EXD2: variants seen among roughly 807,000 people sequenced by gnomAD.
EXD2 encodes exonuclease 3'-5' domain containing 2.
A neutral mutation model predicts 62.5 loss-of-function variants in EXD2; 40 were observed. The ratio of observed to expected loss-of-function variants is 0.64; its 90% confidence interval spans 0.50 to 0.83. The LOEUF is 0.83. Among genes scored for constraint, EXD2 ranks in the 40% least tolerant of loss-of-function variants. EXD2 has a pLI of 0.00. For synonymous variants in EXD2, 239 were observed against 291.9 expected (o/e 0.82, Z 1.85); for missense variants, 671 against 761.8 (o/e 0.88, Z 1.40).
chr14:69,198,708 T>A (rs1433066262), intron 1 of EXD2, among the ~76,000 whole-genome samples: 1 of 152,228 alleles, frequency 6.6e-6, no homozygotes, highest in African/African-American at 2.4e-5. Flanking sequence ...ATGGCATCAC[T>A]TAATGAGGAT....
intron 3 of EXD2, among the ~76,000 whole-genome samples, chr14:69,227,088 G>A (rs960977442): frequency 6.6e-5 from 10 of 152,162 alleles, no homozygotes; most frequent in Non-Finnish European, 1.5e-4. Flanking sequence ...TTGCCCTAGA[G>A]CAGAGTTTCT....
chr14:69,201,577 T>G (rs767834154), intron 1 of EXD2, among the ~76,000 whole-genome samples: 3 of 151,214 alleles, frequency 2.0e-5, no homozygotes, highest in Non-Finnish European at 3.0e-5. Flanking sequence ...CCACTTGCAG[T>G]GCCCTCCTCC....
At chr14:69,200,998 C>T (rs546309599) in intron 1 of EXD2, among the ~76,000 whole-genome samples, 2 of 151,186 alleles carry the variant, frequency 1.3e-5, no homozygotes, top group East Asian at 2.0e-4. Flanking sequence ...TGCTTGAACT[C>T]GGGAGGCAGA....
chr14:69,228,729 A>G (rs1313389726), intron 3 of EXD2, 87 bp from the exon 4 acceptor site: 40 of 1,501,716 alleles, frequency 2.7e-5, no homozygotes, highest in Non-Finnish European at 3.5e-5. Context: ...TTAAGGATGT[A>G]CCTCTTAGAC....
intron 5 of EXD2, among the ~76,000 whole-genome samples, chr14:69,232,266 A>G (rs1282817994): frequency 6.6e-6 from 1 of 152,086 alleles, no homozygotes; most frequent in African/African-American, 2.4e-5. Context: ...TCAGGGTGTA[A>G]GTGTTCTCTA....
intron 9 of EXD2, 100 bp from the exon 10 acceptor site, chr14:69,240,784 C>A: frequency 2.0e-6 from 2 of 990,608 alleles, no homozygotes; most frequent in Non-Finnish European, 3.0e-6. Flanking sequence ...AGGAGTCCTT[C>A]AACCTCCCCA....
intron 2 of EXD2, among the ~76,000 whole-genome samples, chr14:69,205,222 AT>A (rs888283625): frequency 3.9e-5 from 6 of 151,920 alleles, no homozygotes; most frequent in East Asian, 1.9e-4. Flanking sequence ...CTGTTTTAAA[AT>A]TTTTTTTAGT....
chr14:69,224,350 C>T (rs2140289796), intron 3 of EXD2: 1 of 152,376 alleles, frequency 6.6e-6, no homozygotes. Context: ...ACTCAGTATA[C>T]AGTAACAAGG....
In EXD2 at chr14:69,221,425, A is replaced by T. The variant is rs555662133; in HGVS notation, c.334-7391A>T. Among the ~76,000 whole-genome samples the T allele has an allele frequency of 2.0e-5, 3 of 152,282 alleles. No homozygotes were observed. The South Asian group carries it at 6.2e-4, about 32-fold the overall frequency. Reference sequence around the variant, plus strand: ...CTTAATGTCTCAGTTTTGATAAGTTATATATTTCATTTATCATCTAAATAT... The same window carrying T: ...CTTAATGTCTCAGTTTTGATAAGTTTTATATTTCATTTATCATCTAAATAT... On this transcript the variant is annotated intron_variant, in intron 3 of 9. Coordinates refer to ENST00000685843, the MANE Select transcript of EXD2 (RefSeq NM_001193360.2).
intron 1 of EXD2, among the ~76,000 whole-genome samples, chr14:69,199,881 G>A (rs905617851): frequency 2.0e-5 from 3 of 152,120 alleles, no homozygotes; most frequent in East Asian, 3.8e-4. Context: ...TAAAAAATAT[G>A]GTAAATAAAT....
chr14:69,205,992 C>T (rs112129525), intron 2 of EXD2, among the ~76,000 whole-genome samples: 1,540 of 152,142 alleles, frequency 0.01, 30 homozygotes, highest in African/African-American at 0.035. Flanking sequence ...GATCTTGGCT[C>T]ACTGCAATCT....
At chr14:69,240,823 T>C (rs952318081) in intron 9 of EXD2, 61 bp from the exon 10 acceptor site, 1 of 1,465,290 alleles carries the variant, frequency 6.8e-7, no homozygotes, top group African/African-American at 1.4e-5. Context: ...CATTTGAAGC[T>C]GTCTGTGAGG....
rs980208573 is a variant in EXD2, at chr14:69,221,737, C to T, written c.334-7079C>T. Among the ~76,000 whole-genome samples the T allele has an allele frequency of 4.1e-4, 63 of 151,884 alleles. 2 individuals carry two copies. The highest frequency in any genetic ancestry group is 6.5e-4 in the Non-Finnish European group (44 of 67,950). On this transcript the variant is annotated intron_variant, in intron 3 of 9. Transcript: ENST00000685843. ...GAGCTATGATCATGCCACTGCACTA[C>T]AGCCTGGGCAGCAAAGCGAGACCCT...
intron 3 of EXD2, among the ~76,000 whole-genome samples, chr14:69,221,329 C>G (rs150566748): frequency 6.6e-6 from 1 of 152,074 alleles, no homozygotes; most frequent in South Asian, 2.1e-4. Context: ...TGGAGTTCTC[C>G]TTTAAGGGAA....
rs769400238 is a variant in EXD2, at chr14:69,209,836, A to C, written c.333+33A>C. 8.6e-5 allele frequency: 122 copies of C among 1,424,060 alleles called. 1 individual carries two copies. The highest frequency in any genetic ancestry group is 1.5e-4 in the Admixed American group (5 of 32,650). The allele number at this position is 1,424,060 out of a possible 1,614,324, so 88.2% of individuals were successfully genotyped here. ...AAAAAGCAAAAGTTAAAAAAAAAAA[A>C]AAAAAACAACTTCTGCTTTTCCAAC... On this transcript the variant is annotated intron_variant, in intron 3 of 9. Transcript: ENST00000685843.
chr14:69,210,464 G>T (rs924465992), intron 3 of EXD2, among the ~76,000 whole-genome samples: 1 of 152,104 alleles, frequency 6.6e-6, no homozygotes, highest in Non-Finnish European at 1.5e-5. Flanking sequence ...AGCAAATCTT[G>T]CAAAAAAGTG....
chr14:69,225,524 T>C (rs2043327577), intron 3 of EXD2, among the ~76,000 whole-genome samples: 1 of 152,226 alleles, frequency 6.6e-6, no homozygotes, highest in Non-Finnish European at 1.5e-5. Context: ...AACACATTAA[T>C]ACAGTATTAT....
intron 1 of EXD2, among the ~76,000 whole-genome samples, chr14:69,200,926 T>G (rs1447584205): frequency 6.6e-6 from 1 of 151,302 alleles, no homozygotes; most frequent in African/African-American, 2.4e-5. Context: ...ATACAAAAAT[T>G]AACCGGGTGT....
In EXD2 at chr14:69,235,565, G is replaced by C. The variant is rs185373684; in HGVS notation, c.1050-481G>C. On this transcript the variant is annotated intron_variant, in intron 6 of 9. Coordinates refer to ENST00000685843, the MANE Select transcript of EXD2 (RefSeq NM_001193360.2). Reference sequence around the variant, plus strand: ...TAGGAAGATGACTAATAAGTACTTTGGAGCATAAATTTGGTCCCTGTAGCA... The same window carrying C: ...TAGGAAGATGACTAATAAGTACTTTCGAGCATAAATTTGGTCCCTGTAGCA... 634 of 227,674 alleles carry C rather than the reference G, an allele frequency of 2.8e-3. 6 individuals carry two copies. The highest frequency in any genetic ancestry group is 2.6e-3 in the Non-Finnish European group (295 of 115,478). 14.1% of individuals were successfully genotyped at this position (227,674 alleles called of 1,614,324 possible).
Sources: allele counts gnomAD v4.1 joint callset (sites outside exome capture counted in the v4.1 genomes callset), GRCh38; gene constraint gnomAD v4.1.1; transcripts MANE v1.5; gene names NCBI Gene and HGNC (gene_info 2026-07-23, HGNC 2026-07-21).